The following ADAMTS17 variants were observed in gnomAD, a reference collection of about 807,000 sequenced individuals.
The protein encoded by ADAMTS17 is A disintegrin and metalloproteinase with thrombospondin motifs 17.
ADAMTS17 carries 113 observed loss-of-function variants against 141.5 expected under a neutral mutation model. The ratio of observed to expected loss-of-function variants is 0.80; its 90% confidence interval spans 0.69 to 0.93. The LOEUF (loss-of-function observed/expected upper bound fraction) is 0.93, where lower values mean the gene tolerates loss of function less well. ADAMTS17 is among the 40% of genes least tolerant of loss of function. The pLI, the probability that ADAMTS17 is intolerant of heterozygous loss-of-function variation, is 0.00. For synonymous variants in ADAMTS17, 768 were observed against 630.6 expected (o/e 1.22, Z -3.27); for missense variants, 1,659 against 1,517.9 (o/e 1.09, Z -1.54).
At chr15:100,062,335 T>C (rs1341382002) in intron 15 of ADAMTS17, among the ~76,000 whole-genome samples, 2 of 151,754 alleles carry the variant, frequency 1.3e-5, no homozygotes, top group East Asian at 1.9e-4. Context: ...GCAGGGCAGC[T>C]TGGGACAGGG....
chr15:100,221,877 T>C (rs556385567), intron 7 of ADAMTS17, among the ~76,000 whole-genome samples: 1 of 152,186 alleles, frequency 6.6e-6, no homozygotes, highest in African/African-American at 2.4e-5. Context: ...GGCCCGGCCT[T>C]GCACACTCCT....
chr15:100,254,884 T>C (rs927994386), intron 6 of ADAMTS17, among the ~76,000 whole-genome samples: 1 of 152,008 alleles, frequency 6.6e-6, no homozygotes. Flanking sequence ...TGAGGAAGAA[T>C]AGCTAACGGA....
At chr15:100,069,435 T>A (rs1348659203) in intron 15 of ADAMTS17, among the ~76,000 whole-genome samples, 1 of 152,076 alleles carries the variant, frequency 6.6e-6, no homozygotes, top group Non-Finnish European at 1.5e-5. Flanking sequence ...CCAAGACACA[T>A]AATTGTCAGA....
chr15:100,254,122 A>C lies in ADAMTS17; in HGVS notation c.1075+14T>G. ...TATCAGCCCCTTAGATTATTATTTC[A>C]ACTCTAAACTTACCAACAGTGTCAC... On this transcript the variant is annotated intron_variant, in intron 7 of 21. Coordinates refer to ENST00000268070, the MANE Select transcript of ADAMTS17 (RefSeq NM_139057.4). 1 of 1,611,422 alleles carries C rather than the reference A, an allele frequency of 6.2e-7. No individual in the cohort carries two copies. Among genetic ancestry groups the C allele is most frequent in the Non-Finnish European group, 8.5e-7 (1 of 1,177,574 alleles).
intron 15 of ADAMTS17, among the ~76,000 whole-genome samples, chr15:100,076,297 C>T (rs2034372758): frequency 6.6e-6 from 1 of 152,154 alleles, no homozygotes; most frequent in African/African-American, 2.4e-5. Flanking sequence ...CCTGCCCCGG[C>T]CTCCCAAAGT....
rs1221579175 is a variant in ADAMTS17 at position 99,971,575 on chromosome 15, TAAAAC to T, written c.*2822_*2826del. 2.0e-5 allele frequency: 3 copies of T among 152,060 alleles called. No homozygotes were observed. The highest frequency in any genetic ancestry group is 7.2e-5 in the African/African-American group (3 of 41,384). 9.4% of individuals were successfully genotyped at this position (152,060 alleles called of 1,614,324 possible). ...TCCTTTCAAAACCAGCCCCAAAAAG[TAAAAC>T]AAAAATTCCATGGGTACAGTATGTA... is the stretch of plus-strand genomic sequence containing the variant. On this transcript the variant is annotated 3_prime_UTR_variant, in exon 22 of 22. Transcript: ENST00000268070.
chr15:100,047,317 T>C (rs1216542606), intron 18 of ADAMTS17, among the ~76,000 whole-genome samples: 1 of 134,646 alleles, frequency 7.4e-6, no homozygotes, highest in African/African-American at 3.1e-5. Context: ...CCTGCCTCCA[T>C]TTGCCTTGTG....
At chr15:100,128,497 T>C (rs868710744) in intron 12 of ADAMTS17, 4 of 152,088 alleles carry the variant, frequency 2.6e-5, no homozygotes, top group Admixed American at 6.5e-5. Flanking sequence ...CCACAAACCC[T>C]CAGCTGTCTG....
intron 3 of ADAMTS17, among the ~76,000 whole-genome samples, chr15:100,316,943 A>T (rs1011605818): frequency 1.3e-5 from 2 of 152,198 alleles, no homozygotes; most frequent in Non-Finnish European, 2.9e-5. Flanking sequence ...GGCAGCAGGA[A>T]ATGTCCCTTT....
intron 13 of ADAMTS17, among the ~76,000 whole-genome samples, chr15:100,114,488 G>C (rs953233008): frequency 2.0e-5 from 3 of 152,168 alleles, no homozygotes; most frequent in Admixed American, 6.5e-5. Context: ...GCTTCTGTTG[G>C]TATTTGAGAG....
chr15:100,075,822 T>A (rs1335367610), intron 15 of ADAMTS17, among the ~76,000 whole-genome samples: 1 of 152,224 alleles, frequency 6.6e-6, no homozygotes, highest in Non-Finnish European at 1.5e-5. Context: ...TTTCCACTGC[T>A]GTTTTTCTCA....
chr15:100,158,511 C>T (rs79195195), intron 8 of ADAMTS17, among the ~76,000 whole-genome samples: 1,649 of 152,166 alleles, frequency 0.011, 26 homozygotes, highest in African/African-American at 0.036. Flanking sequence ...TACAGTATTG[C>T]GGACTACAAT....
intron 15 of ADAMTS17, among the ~76,000 whole-genome samples, chr15:100,054,545 T>A (rs867802803): frequency 1.3e-5 from 2 of 152,164 alleles, no homozygotes; most frequent in Non-Finnish European, 2.9e-5. Context: ...GAAGAGCCCA[T>A]CTCCAGCACC....
intron 18 of ADAMTS17, among the ~76,000 whole-genome samples, chr15:100,001,843 T>G (rs1468810300): frequency 6.7e-6 from 1 of 149,718 alleles, no homozygotes; most frequent in Non-Finnish European, 1.5e-5. Context: ...GTGGTGTGCA[T>G]CTGTGGTCCC....
At chr15:100,095,347 T>C (rs1231658586) in intron 15 of ADAMTS17, among the ~76,000 whole-genome samples, 1 of 152,220 alleles carries the variant, frequency 6.6e-6, no homozygotes, top group Admixed American at 6.5e-5. Context: ...CAGTAGGCTG[T>C]CTTTCCCGCA....
intron 3 of ADAMTS17, among the ~76,000 whole-genome samples, chr15:100,290,626 CA>C (rs2044597153): frequency 6.6e-6 from 1 of 152,086 alleles, no homozygotes; most frequent in African/African-American, 2.4e-5. Context: ...CTAGAGTAAC[CA>C]AAACAGCATG....
chr15:100,079,876 C>T (rs1396267434), intron 15 of ADAMTS17, among the ~76,000 whole-genome samples: 1 of 152,152 alleles, frequency 6.6e-6, no homozygotes, highest in Non-Finnish European at 1.5e-5. Flanking sequence ...GGCTTATGCT[C>T]ATGGAATTCA....
At chr15:100,189,980 C>T (rs916761704) in intron 8 of ADAMTS17, among the ~76,000 whole-genome samples, 8 of 152,164 alleles carry the variant, frequency 5.3e-5, no homozygotes, top group African/African-American at 1.9e-4. Flanking sequence ...CAGCTCAGTT[C>T]AACGCTGACC....
chr15:100,335,809 A>G (rs2587767), intron 2 of ADAMTS17, among the ~76,000 whole-genome samples: 21,087 of 152,236 alleles, frequency 0.14, 1,604 homozygotes, highest in African/African-American at 0.18. Context: ...AGAAAGGTTC[A>G]AAGGAGTTAA....
Sources: allele counts gnomAD v4.1 joint callset (sites outside exome capture counted in the v4.1 genomes callset), GRCh38; gene constraint gnomAD v4.1.1; transcripts MANE v1.5; gene names NCBI Gene and HGNC (gene_info 2026-07-23, HGNC 2026-07-21).